KLHL25: variants seen among roughly 807,000 people sequenced by gnomAD.
KLHL25 encodes the protein kelch-like protein 25.
In KLHL25, 41 loss-of-function variants were observed where a neutral mutation model predicts 30.0. The ratio of observed to expected loss-of-function variants is 1.37; its 90% CI spans 1.07 to 1.78. The LOEUF (loss-of-function observed/expected upper bound fraction) is 1.78, where lower values mean the gene tolerates loss of function less well. KLHL25 is among the 40% of genes most tolerant of loss of function. The pLI is 0.00. For synonymous variants in KLHL25, 399 were observed against 355.3 expected (o/e 1.12, Z -1.38); for missense variants, 971 against 824.5 (o/e 1.18, Z -2.18).
chr15:85,761,146 G>A (rs1294755767), intron 2 of KLHL25, 135 bp from the exon 3 acceptor site: 8 of 152,404 alleles, frequency 5.2e-5, no homozygotes, highest in South Asian at 2.1e-4. Flanking sequence ...ACCATTCACC[G>A]GCAGCGCAGT....
intron 1 of KLHL25, chr15:85,771,239 A>G (rs2089669888): frequency 6.6e-6 from 1 of 152,312 alleles, no homozygotes; most frequent in Non-Finnish European, 1.5e-5. Flanking sequence ...AAACATGGCC[A>G]AAAAGCAAAC....
chr15:85,767,325 T>C (rs538000390), intron 2 of KLHL25, among the ~76,000 whole-genome samples: 14 of 152,054 alleles, frequency 9.2e-5, no homozygotes, highest in South Asian at 2.1e-4. Context: ...TGGTCTTGAA[T>C]TGGGCTCAAG....
rs1344443236 is a variant in KLHL25 at position 85,759,910 on chromosome 15, C to T, written c.*1126G>A. On this transcript the variant is annotated 3_prime_UTR_variant, in exon 3 of 3. Transcript: ENST00000337975. ...GATGGTCACTGACAGGCGCCAACCT[C>T]TCCATAGCCCAGGTGTCAGGGAGGT... The T allele has an allele frequency of 2.0e-5, 3 of 152,266 alleles. No individual in the cohort carries two copies. The highest frequency in any genetic ancestry group is 4.4e-5 in the Non-Finnish European group (3 of 68,094). The allele number at this position is 152,266 out of a possible 1,614,324, so 9.4% of individuals were successfully genotyped here.
intron 1 of KLHL25, among the ~76,000 whole-genome samples, chr15:85,782,946 T>G (rs775839445): frequency 7.4e-4 from 112 of 152,112 alleles, no homozygotes; most frequent in Non-Finnish European, 1.3e-3. Context: ...TAATAAATAC[T>G]GCTGAATGAA....
Position 85,769,511 on chromosome 15 carries a change from C to G in KLHL25, c.300G>C (p.Leu100=). ...QDNLHPEVLE[L]LLDFAYSSRI... is the part of the protein sequence containing the mutation. ...GTGAGGAGTAGGCAAAGTCCAGCAGCAGCTCCAGCACCTCCGGGTGCAGGT... is the reference window on the plus strand; with the variant it reads ...GTGAGGAGTAGGCAAAGTCCAGCAGGAGCTCCAGCACCTCCGGGTGCAGGT... Residue 100 remains leucine, a synonymous_variant, in exon 2 of 3, where the codon CTG becomes CTC. Transcript: ENST00000337975. 6.2e-7 allele frequency: 1 copy of G among 1,614,002 alleles called. No individual in the cohort carries two copies. Among genetic ancestry groups the G allele is most frequent in the Non-Finnish European group, 8.5e-7 (1 of 1,180,040 alleles).
intron 1 of KLHL25, among the ~76,000 whole-genome samples, chr15:85,780,404 C>T (rs945697153): frequency 2.0e-5 from 3 of 152,184 alleles, no homozygotes; most frequent in South Asian, 2.1e-4. Context: ...AGGAGGATTC[C>T]CCCTCTATGG....
rs762018870 is a variant in KLHL25 at position 85,769,485 on chromosome 15, C to T, written c.326G>A (p.Arg109His). The T allele has an allele frequency of 5.0e-6, 8 of 1,613,864 alleles. No individual in the cohort carries two copies. Among genetic ancestry groups the T allele is most frequent in the South Asian group, 2.2e-5 (2 of 91,086 alleles). ...ELLLDFAYSSRIAINEENAES... is the reference protein window; with the variant it reads ...ELLLDFAYSSHIAINEENAES... ...AGCGTTCTCCTCGTTGATGGCGATG[C>T]GTGAGGAGTAGGCAAAGTCCAGCAG... The change falls in exon 2 of 3, where the codon CGC becomes CAC. Residue 109 changes from arginine to histidine, a missense_variant. Coordinates refer to ENST00000337975, the MANE Select transcript of KLHL25 (RefSeq NM_022480.4).
chr15:85,770,230 A>C (rs1209982282), intron 1 of KLHL25, among the ~76,000 whole-genome samples: 1 of 152,190 alleles, frequency 6.6e-6, no homozygotes, highest in Admixed American at 6.5e-5. Context: ...CCTCTACAGA[A>C]GCTTCTCTTG....
At chr15:85,786,911 A>G (rs1424728811) in intron 1 of KLHL25, among the ~76,000 whole-genome samples, 1 of 152,136 alleles carries the variant, frequency 6.6e-6, no homozygotes, top group South Asian at 2.1e-4. Flanking sequence ...ACAGCAGCCT[A>G]GTGGGGGGCA....
In KLHL25 at chr15:85,760,220, T is replaced by C. The variant is rs938453998; in HGVS notation, c.*816A>G. 2.6e-5 allele frequency: 4 copies of C among 152,058 alleles called. No homozygotes were observed. Among genetic ancestry groups the C allele is most frequent in the African/African-American group, 9.7e-5 (4 of 41,376 alleles). The allele number at this position is 152,058 out of a possible 1,614,324, so 9.4% of individuals were successfully genotyped here. A position where few individuals can be genotyped will look rare whatever the true frequency, so the allele number is the denominator to read the frequency against. On this transcript the variant is annotated 3_prime_UTR_variant, in exon 3 of 3. Transcript: ENST00000337975. ...AGAAGCCCCCAGTGCTGTTGGCAGG[T>C]GTGTGCCATGGGGGTCACTGCTGCC...
At chr15:85,773,478 G>T (rs1283316548) in intron 1 of KLHL25, among the ~76,000 whole-genome samples, 1 of 152,214 alleles carries the variant, frequency 6.6e-6, no homozygotes. Flanking sequence ...CACCCTGACT[G>T]TTCTCTGGGA....
At chr15:85,778,586 T>C (rs2089725147) in intron 1 of KLHL25, among the ~76,000 whole-genome samples, 2 of 151,284 alleles carry the variant, frequency 1.3e-5, no homozygotes, top group Admixed American at 6.6e-5. Flanking sequence ...ACGCAAGGAG[T>C]GGGGGCAGAG....
At chr15:85,781,193 C>G (rs1361338691) in intron 1 of KLHL25, among the ~76,000 whole-genome samples, 1 of 152,064 alleles carries the variant, frequency 6.6e-6, no homozygotes, top group African/African-American at 2.4e-5. Context: ...CTCAGGAGCC[C>G]GTATCCCAGC....
At chr15:85,793,811 G>A (rs1393418363) in intron 1 of KLHL25, among the ~76,000 whole-genome samples, 1 of 152,078 alleles carries the variant, frequency 6.6e-6, no homozygotes, top group Non-Finnish European at 1.5e-5. Context: ...CCTTCCCCAA[G>A]GTCAAATTCA....
Position 85,768,665 on chromosome 15 carries a change from GC to G in KLHL25, c.1145del (p.Gly382AlafsTer30). The G allele has an allele frequency of 6.2e-7, 1 of 1,613,312 alleles. No individual in the cohort carries two copies. Among genetic ancestry groups the G allele is most frequent in the Non-Finnish European group, 8.5e-7 (1 of 1,179,604 alleles). ...AGAGGCAGTTCTCCAGCTCAGCTGA[GC>G]CATGGCCAAAGCGGGCAATCAGCAT... ...APMLIARFGH[G>X]SAELENCLYV... On this transcript the variant is annotated frameshift_variant, in exon 2 of 3. Coordinates refer to ENST00000337975, the MANE Select transcript of KLHL25 (RefSeq NM_022480.4). LOFTEE classifies it high-confidence loss of function.
intron 1 of KLHL25, among the ~76,000 whole-genome samples, chr15:85,781,111 G>T (rs2089740106): frequency 6.6e-6 from 1 of 152,142 alleles, no homozygotes; most frequent in Non-Finnish European, 1.5e-5. Flanking sequence ...AAGGTAGGTG[G>T]ATCACCTGAG....
intron 1 of KLHL25, among the ~76,000 whole-genome samples, chr15:85,791,529 A>T (rs2089816781): frequency 6.6e-6 from 1 of 152,092 alleles, no homozygotes; most frequent in African/African-American, 2.4e-5. Flanking sequence ...ACACACATCT[A>T]TCGTTTATCA....
In KLHL25 at chr15:85,769,090, G is replaced by GC. The variant is rs1342537295; in HGVS notation, c.720dup (p.Leu241AlafsTer28). On this transcript the variant is annotated frameshift_variant, in exon 2 of 3. Coordinates refer to ENST00000337975, the MANE Select transcript of KLHL25 (RefSeq NM_022480.4). LOFTEE classifies it high-confidence loss of function. ...GCCTCCTGCAGGCAGTCGGACGGCA[G>GC]CAAGGCCAGACGCACGCTGCGGAGG... The GC allele has an allele frequency of 6.2e-7, 1 of 1,606,658 alleles. No homozygotes were observed. The highest frequency in any genetic ancestry group is 1.1e-5 in the South Asian group (1 of 90,878).
Position 85,769,836 on chromosome 15 carries a change from G to C in KLHL25, c.-10-16C>G. ...GGTGCGTCAGCTTGTGGGGGAACAA[G>C]CCCACAGGTTAGAGGAGCCCCTCCT... On this transcript the variant is annotated splice_polypyrimidine_tract_variant and intron_variant, in intron 1 of 2. Transcript: ENST00000337975. 1 of 1,587,304 alleles carries C rather than the reference G, an allele frequency of 6.3e-7. No individual in the cohort carries two copies. Among genetic ancestry groups the C allele is most frequent in the Non-Finnish European group, 8.6e-7 (1 of 1,167,672 alleles).
Sources: gnomAD v4.1 joint callset for allele counts (sites outside exome capture counted in the v4.1 genomes callset) on GRCh38, gnomAD v4.1.1 for gene constraint, MANE v1.5 for transcripts, NCBI Gene and HGNC (gene_info 2026-07-23, HGNC 2026-07-21) for gene names.